The following NR6A1 variants were observed in gnomAD, a reference collection of about 807,000 sequenced individuals.
NR6A1 encodes the protein retinoic acid receptor-related testis-associated receptor.
NR6A1 carries 7 observed loss-of-function variants against 59.1 expected under a neutral mutation model. That is an observed-to-expected ratio of 0.12 (90% CI 0.07 to 0.22). The LOEUF (loss-of-function observed/expected upper bound fraction) is 0.22. Among genes scored for constraint, NR6A1 ranks in the 10% least tolerant of loss-of-function variants. The pLI is 1.00. For synonymous variants in NR6A1, 243 were observed against 236.1 expected (o/e 1.03, Z -0.27); for missense variants, 468 against 611.6 (o/e 0.77, Z 2.48).
At chr9:124,555,912 G>A (rs1027449942) in intron 2 of NR6A1, among the ~76,000 whole-genome samples, 1 of 152,192 alleles carries the variant, frequency 6.6e-6, no homozygotes, top group Non-Finnish European at 1.5e-5. Context: ...ATGTGATAAT[G>A]ACATTCCTGA....
intron 2 of NR6A1, among the ~76,000 whole-genome samples, chr9:124,680,454 A>G (rs535617413): frequency 6.6e-6 from 1 of 152,204 alleles, no homozygotes; most frequent in Non-Finnish European, 1.5e-5. Context: ...CAGAAAATAC[A>G]TAGTGTTTAC....
At chr9:124,737,892 G>A (rs115258341) in intron 1 of NR6A1, among the ~76,000 whole-genome samples, 1,935 of 151,774 alleles carry the variant, frequency 0.013, 24 homozygotes, top group Middle Eastern at 0.041. Flanking sequence ...GGCTGGGCGC[G>A]GTGGATCACC....
intron 2 of NR6A1, among the ~76,000 whole-genome samples, chr9:124,653,622 G>A (rs1181290337): frequency 6.6e-6 from 1 of 152,158 alleles, no homozygotes; most frequent in Non-Finnish European, 1.5e-5. Flanking sequence ...TGCTAAGGCT[G>A]GTCTCGAACT....
intron 1 of NR6A1, among the ~76,000 whole-genome samples, chr9:124,743,312 T>C (rs553292868): frequency 6.6e-6 from 1 of 152,342 alleles, no homozygotes; most frequent in East Asian, 1.9e-4. Flanking sequence ...GAAAATGCTT[T>C]TGAATGCAGA....
intron 2 of NR6A1, among the ~76,000 whole-genome samples, chr9:124,640,988 CAT>C (rs759957134): frequency 2.0e-5 from 3 of 152,218 alleles, no homozygotes; most frequent in South Asian, 2.1e-4. Flanking sequence ...TTAAGCATTT[CAT>C]ATGTTATTTT....
intron 2 of NR6A1, among the ~76,000 whole-genome samples, chr9:124,556,460 AT>A (rs111855786): frequency 0.062 from 8,617 of 138,026 alleles, 524 homozygotes; most frequent in East Asian, 0.22. Flanking sequence ...AGGGATACTG[AT>A]TTTTTTTTTT....
rs1162292728 is a variant in NR6A1 at position 124,771,022 on chromosome 9, T to C, written c.98A>G (p.Asn33Ser). 8 of 1,228,346 alleles carry C rather than the reference T, an allele frequency of 6.5e-6. No homozygotes were observed. The highest frequency in any genetic ancestry group is 4.2e-5 in the Admixed American group (1 of 23,634). 76.1% of individuals were successfully genotyped at this position (1,228,346 alleles called of 1,614,324 possible). Residue 33 changes from asparagine (N) to serine (S), a missense_variant and splice_region_variant, in exon 1 of 10, where the codon AAC (asparagine) becomes AGC (serine). Coordinates refer to ENST00000487099, the MANE Select transcript of NR6A1 (RefSeq NM_033334.4). Reference sequence around the variant, plus strand: ...GGCGTCGCAGGCCCCTCACCCACCGTTGCGCGGCGGCGGAGGGAGCGCGGC... The same window carrying C: ...GGCGTCGCAGGCCCCTCACCCACCGCTGCGCGGCGGCGGAGGGAGCGCGGC... ...PPAALPPPPR[N>S]GFCQDELAEL...
intron 2 of NR6A1, among the ~76,000 whole-genome samples, chr9:124,681,425 T>C (rs1347712823): frequency 7.3e-6 from 1 of 136,704 alleles, no homozygotes; most frequent in African/African-American, 2.7e-5. Context: ...CACTGCAACC[T>C]CCACCTTCCG....
intron 2 of NR6A1, among the ~76,000 whole-genome samples, chr9:124,715,784 T>C (rs1161476195): frequency 6.6e-6 from 1 of 152,242 alleles, no homozygotes; most frequent in Non-Finnish European, 1.5e-5. Flanking sequence ...GGACTACTTC[T>C]ATCTGATTTC....
chr9:124,695,271 G>T (rs972760059), intron 2 of NR6A1, among the ~76,000 whole-genome samples: 1 of 152,154 alleles, frequency 6.6e-6, no homozygotes, highest in Non-Finnish European at 1.5e-5. Flanking sequence ...ACATCAAATT[G>T]TGTCTGATGT....
intron 3 of NR6A1, among the ~76,000 whole-genome samples, chr9:124,545,542 T>C (rs924268017): frequency 6.6e-6 from 1 of 152,208 alleles, no homozygotes; most frequent in Non-Finnish European, 1.5e-5. Flanking sequence ...AATTTCAAGT[T>C]CTAAAATCTT....
chr9:124,619,469 CCCAGGCTGGTCTGAAACT>C lies in NR6A1; in HGVS notation c.143-64917_143-64900del, dbSNP rs1284249977. Among the ~76,000 whole-genome samples the C allele has an allele frequency of 3.3e-5, 5 of 152,142 alleles. No individual in the cohort carries two copies. The East Asian group carries it at 9.6e-4, about 29-fold the overall frequency. On this transcript the variant is annotated intron_variant, in intron 2 of 9. Coordinates refer to ENST00000487099, the MANE Select transcript of NR6A1 (RefSeq NM_033334.4). ...GTAGAGATAGTGTTTCACCACGTTT[CCCAGGCTGGTCTGAAACT>C]CCTGAGCTCAAGCAATCTGCCTGCC... is the stretch of plus-strand genomic sequence containing the variant.
At chr9:124,611,429 T>C (rs1835740584) in intron 2 of NR6A1, among the ~76,000 whole-genome samples, 1 of 152,106 alleles carries the variant, frequency 6.6e-6, no homozygotes, top group Non-Finnish European at 1.5e-5. Flanking sequence ...CTCCAGTCTT[T>C]GCTCCAAAAT....
chr9:124,587,134 A>C (rs1380466702), intron 2 of NR6A1, among the ~76,000 whole-genome samples: 1 of 152,226 alleles, frequency 6.6e-6, no homozygotes, highest in Non-Finnish European at 1.5e-5. Flanking sequence ...CAGCAGCAAA[A>C]TGATTCACTG....
chr9:124,713,312 ACAGGAG>A (rs1489872446), intron 2 of NR6A1, among the ~76,000 whole-genome samples: 2 of 152,136 alleles, frequency 1.3e-5, no homozygotes, highest in East Asian at 3.8e-4. Context: ...GAAAAAAAAA[ACAGGAG>A]ATAGCTTCAT....
chr9:124,675,124 A>T (rs1163079939), intron 2 of NR6A1, among the ~76,000 whole-genome samples: 1 of 152,220 alleles, frequency 6.6e-6, no homozygotes, highest in African/African-American at 2.4e-5. Context: ...CAGAAGAGGT[A>T]TCTAAAGACG....
At chr9:124,588,498 C>G (rs4548285) in intron 2 of NR6A1, among the ~76,000 whole-genome samples, 150,833 of 151,128 alleles carry the variant, frequency 1, 75,269 homozygotes, top group Middle Eastern at 1. Flanking sequence ...TTAGTAGAGA[C>G]GGGGTTTCAC....
intron 3 of NR6A1, among the ~76,000 whole-genome samples, chr9:124,544,604 A>G (rs1833544504): frequency 6.6e-6 from 1 of 152,196 alleles, no homozygotes; most frequent in Non-Finnish European, 1.5e-5. Context: ...CAGCCAGGAA[A>G]AGAGTGCTCC....
chr9:124,538,394 T>A, intron 5 of NR6A1, 75 bp from the exon 6 acceptor site: 1 of 1,112,276 alleles, frequency 9.0e-7, no homozygotes, highest in Non-Finnish European at 1.3e-6. Flanking sequence ...AGCCAGAAGG[T>A]GACTTTAGGT....
Sources: allele counts gnomAD v4.1 joint callset (sites outside exome capture counted in the v4.1 genomes callset), GRCh38; gene constraint gnomAD v4.1.1; transcripts MANE v1.5; gene names NCBI Gene and HGNC (gene_info 2026-07-23, HGNC 2026-07-21).